The following DOCK11 variants were observed in gnomAD, a reference collection of about 807,000 sequenced individuals.
DOCK11 encodes dedicator of cytokinesis protein 11.
DOCK11 carries 70 observed loss-of-function variants against 169.1 expected under a neutral mutation model. The observed-to-expected ratio is 0.41, with a 90% CI of 0.34 to 0.51. The LOEUF (loss-of-function observed/expected upper bound fraction) is 0.51, where lower values mean the gene tolerates loss of function less well. DOCK11 is among the 20% of genes least tolerant of loss of function. The pLI, the probability that DOCK11 is intolerant of heterozygous loss-of-function variation, is 0.10. For missense variants in DOCK11, 1,166 were observed against 1,538.8 expected, an observed-to-expected ratio of 0.76 and a Z score of 4.05; for synonymous variants, 529 against 541.3, an observed-to-expected ratio of 0.98 and a Z score of 0.32.
At chrX:118,503,590 C>T in intron 1 of DOCK11, among the ~76,000 whole-genome samples, 1 of 111,039 alleles carries the variant, frequency 9.0e-6, no homozygotes, top group East Asian at 2.8e-4. Flanking sequence ...AGAAAATGAG[C>T]AACTTCTGTT....
At chrX:118,630,768 T>G (rs1315893701) in intron 35 of DOCK11, among the ~76,000 whole-genome samples, 1 of 112,670 alleles carries the variant, frequency 8.9e-6, no homozygotes, top group Non-Finnish European at 1.9e-5. Context: ...AACATTTTGT[T>G]TTCATGCAGA....
chrX:118,668,320 G>A (rs1187031936), intron 45 of DOCK11, among the ~76,000 whole-genome samples: 1 of 110,923 alleles, frequency 9.0e-6, no homozygotes, highest in African/African-American at 3.3e-5. Context: ...GTTGAGTGTT[G>A]TAAATGCTTT....
chrX:118,652,894 GT>G (rs1478422527), intron 42 of DOCK11, among the ~76,000 whole-genome samples: 1 of 112,361 alleles, frequency 8.9e-6, no homozygotes, highest in Non-Finnish European at 1.9e-5. Context: ...CATATTTGAT[GT>G]TTGGATGTGT....
At chrX:118,581,521 C>T (rs765686849) in intron 14 of DOCK11, among the ~76,000 whole-genome samples, 3 of 111,201 alleles carry the variant, frequency 2.7e-5, no homozygotes, top group African/African-American at 6.5e-5. Context: ...TGGCTGGGCA[C>T]GGCTGGGTGC....
At chrX:118,634,692 G>A (rs2015341135) in intron 35 of DOCK11, among the ~76,000 whole-genome samples, 1 of 112,445 alleles carries the variant, frequency 8.9e-6, no homozygotes, top group South Asian at 3.7e-4. Flanking sequence ...GCAGATAGGC[G>A]AAAGCGGAAG....
intron 44 of DOCK11, among the ~76,000 whole-genome samples, chrX:118,659,546 G>C (rs146435164): frequency 2.7e-5 from 3 of 112,023 alleles, no homozygotes; most frequent in Non-Finnish European, 5.6e-5. Context: ...ACAAAGGGTC[G>C]TGATGTAATT....
chrX:118,543,015 G>A lies in DOCK11; in HGVS notation c.309G>A (p.Glu103=), dbSNP rs766038619. 59 of 1,192,614 alleles carry A rather than the reference G, an allele frequency of 4.9e-5. No homozygotes were observed. Among genetic ancestry groups the A allele is most frequent in the Non-Finnish European group, 6.7e-5 (59 of 880,509 alleles). The change falls in exon 3 of 53, where the codon GAG becomes GAA. Residue 103 remains glutamate (E), a splice_region_variant and synonymous_variant. Coordinates refer to ENST00000276202, the MANE Select transcript of DOCK11 (RefSeq NM_144658.4). ...EKRAQSLFVK[E]CIKTYSTDWH... ...GGGCCCAGAGTTTATTTGTTAAAGA[G>A]GTAAGAGGCTCAAAGGCCACAGAAG...
intron 12 of DOCK11, among the ~76,000 whole-genome samples, chrX:118,576,614 ACT>A (rs1327746031): frequency 8.9e-6 from 1 of 111,998 alleles, no homozygotes; most frequent in Admixed American, 9.5e-5. Flanking sequence ...CTAAGAAAAC[ACT>A]CAGCACTGTG....
At position 118,503,495 on chromosome X, in the gene DOCK11, G is replaced by A. The variant is rs1877823854; in HGVS notation, c.102+7422G>A. ...AGGGGGAGGAAGAAAGAGAGGAAGA[G>A]CGGAGGTGGAGTCAAGATAATTTTG... On this transcript the variant is annotated intron_variant, in intron 1 of 52. Coordinates refer to ENST00000276202, the MANE Select transcript of DOCK11 (RefSeq NM_144658.4). Among the ~76,000 whole-genome samples, 13 of 112,157 alleles carry A rather than the reference G, an allele frequency of 1.2e-4. No individual in the cohort carries two copies. The Admixed American group carries it at 1.2e-3, about 11-fold the overall frequency.
At chrX:118,681,624 A>G in intron 50 of DOCK11, 70 bp from the exon 51 acceptor site, 2 of 804,721 alleles carry the variant, frequency 2.5e-6, no homozygotes, top group Non-Finnish European at 3.4e-6. Context: ...AATAAAAAAG[A>G]GAAATGCCAA....
chrX:118,681,147 G>T lies in DOCK11; in HGVS notation c.5761G>T (p.Glu1921Ter). The stretch of plus-strand genomic sequence containing the variant: ...AAAACCAATTGATGTTGCCACTGAT[G>T]AAATAAAAGATAAAACTGCAGAGCT... ...NLKPIDVATDEIKDKTAELQK... is the reference protein window; with the variant it reads ...NLKPIDVATD Residue 1921 changes from glutamate (E) to a stop codon, truncating the protein, a stop_gained, in exon 50 of 53, where the codon GAA becomes TAA. Transcript: ENST00000276202. LOFTEE classifies it high-confidence loss of function. The T allele has an allele frequency of 8.3e-7, 1 of 1,208,353 alleles. No homozygotes were observed. The highest frequency in any genetic ancestry group is 1.1e-6 in the Non-Finnish European group (1 of 893,732).
intron 5 of DOCK11, among the ~76,000 whole-genome samples, chrX:118,545,677 G>C (rs1299881902): frequency 2.4e-4 from 27 of 111,309 alleles, no homozygotes; most frequent in Non-Finnish European, 2.8e-4. Context: ...CTTGAGTTGG[G>C]CATGTGGTGT....
chrX:118,581,986 C>A (rs886789555), intron 14 of DOCK11, among the ~76,000 whole-genome samples: 1 of 108,825 alleles, frequency 9.2e-6, no homozygotes, highest in African/African-American at 3.4e-5. Flanking sequence ...AAAAATTAGC[C>A]GGGCGTGATG....
At chrX:118,560,701 G>A (rs188230862) in intron 6 of DOCK11, among the ~76,000 whole-genome samples, 52 of 112,153 alleles carry the variant, frequency 4.6e-4, no homozygotes, top group Non-Finnish European at 9.0e-4. Flanking sequence ...TCATCAGGCA[G>A]TCCCCAACCT....
chrX:118,597,929 A>T, intron 21 of DOCK11, 101 bp from the exon 22 acceptor site: 1 of 578,471 alleles, frequency 1.7e-6, no homozygotes, highest in Non-Finnish European at 2.6e-6. Flanking sequence ...GTATGAAATT[A>T]ATACATTCAT....
chrX:118,634,655 C>G lies in DOCK11; in HGVS notation c.3887-1691C>G, dbSNP rs560235794. On this transcript the variant is annotated intron_variant, in intron 35 of 52. Coordinates refer to ENST00000276202, the MANE Select transcript of DOCK11 (RefSeq NM_144658.4). ...ACGCAGGGACTTCTGGGGGGGAACC[C>G]AAGCTTCTGTGAGTAGACACCCAGT... 1.1e-4 allele frequency among the ~76,000 whole-genome samples: 12 copies of G among 112,807 alleles called. No homozygotes were observed. In the South Asian group the frequency reaches 4.0e-3, roughly 38 times the overall value.
intron 14 of DOCK11, among the ~76,000 whole-genome samples, chrX:118,582,934 T>C (rs1335715290): frequency 8.9e-6 from 1 of 112,217 alleles, no homozygotes; most frequent in Non-Finnish European, 1.9e-5. Flanking sequence ...ACTGGGTATA[T>C]ACCCAAAGGA....
chrX:118,547,360 C>A (rs2012323121), intron 6 of DOCK11, among the ~76,000 whole-genome samples: 1 of 111,346 alleles, frequency 9.0e-6, no homozygotes, highest in African/African-American at 3.3e-5. Flanking sequence ...CTTTGGTGAT[C>A]ATGTCCTGTT....
chrX:118,588,627 C>A, intron 18 of DOCK11, 149 bp downstream of exon 18: 2 of 417,057 alleles, frequency 4.8e-6, no homozygotes, highest in Non-Finnish European at 7.9e-6. Context: ...TCTACTCTTA[C>A]ATATTAACTA....
Sources: allele counts gnomAD v4.1 joint callset (sites outside exome capture counted in the v4.1 genomes callset), GRCh38; gene constraint gnomAD v4.1.1; transcripts MANE v1.5; gene names NCBI Gene and HGNC (gene_info 2026-07-23, HGNC 2026-07-21).